The following NOP9 variants were observed in gnomAD, a reference collection of about 807,000 sequenced individuals.
NOP9 encodes nucleolar protein 9.
A neutral mutation model predicts 63.0 loss-of-function variants in NOP9; 50 were observed. The ratio of observed to expected loss-of-function variants is 0.79; its 90% CI spans 0.63 to 1.00. NOP9 has a LOEUF of 1.00. NOP9 is among the 50% of genes least tolerant of loss of function. The pLI, the probability that NOP9 is intolerant of heterozygous loss-of-function variation, is 0.00. For synonymous variants in NOP9, 343 were observed against 332.8 expected, an observed-to-expected ratio of 1.03 and a Z score of -0.33; for missense variants, 758 against 803.0, an observed-to-expected ratio of 0.94 and a Z score of 0.68.
At chr14:24,295,413 T>C (rs181174715), upstream of NOP9, among the ~76,000 whole-genome samples, 1 of 152,276 alleles carries the variant, frequency 6.6e-6, no homozygotes, top group Admixed American at 6.5e-5. Flanking sequence ...AGTAGAGTTA[T>C]AGTTTTAAAG....
the NOP9 span, among the ~76,000 whole-genome samples, chr14:24,285,153 AGTT>A: frequency 6.6e-6 from 1 of 152,292 alleles, no homozygotes; most frequent in East Asian, 1.9e-4. Context: ...ACCCTTGGGC[AGTT>A]GTTCTAGAAA....
the NOP9 span, among the ~76,000 whole-genome samples, chr14:24,282,622 AG>A: frequency 3.4e-4 from 51 of 152,234 alleles, no homozygotes; most frequent in African/African-American, 1.2e-3. Flanking sequence ...TCTAATGAGG[AG>A]GTAGCCAAGA....
chr14:24,285,320 T>C, the NOP9 span, among the ~76,000 whole-genome samples: 1 of 152,218 alleles, frequency 6.6e-6, no homozygotes. Flanking sequence ...TGTCACACTT[T>C]CCTCTTACCC....
At chr14:24,274,378 A>T in the NOP9 span, among the ~76,000 whole-genome samples, 1 of 152,176 alleles carries the variant, frequency 6.6e-6, no homozygotes, top group East Asian at 1.9e-4. Context: ...TTTTGGAAAG[A>T]GCGGGCAGGA....
At chr14:24,296,218 AGAG>A, upstream of NOP9, among the ~76,000 whole-genome samples, 1 of 152,328 alleles carries the variant, frequency 6.6e-6, no homozygotes, top group East Asian at 1.9e-4. Flanking sequence ...CGCATTACTG[AGAG>A]GAGGAGGCTT....
At chr14:24,302,445 G>C (rs760306788) in intron 5 of NOP9, 21 bp downstream of exon 5, 1 of 1,593,248 alleles carries the variant, frequency 6.3e-7, no homozygotes, top group African/African-American at 1.3e-5. Context: ...AACCTGAGCT[G>C]GATCTGTTTC....
rs745813319 is a variant in NOP9 at position 24,303,071 on chromosome 14, C to T, written c.1144-3C>T. On this transcript the variant is annotated splice_polypyrimidine_tract_variant and splice_region_variant and intron_variant, in intron 5 of 9. Coordinates refer to ENST00000267425, the MANE Select transcript of NOP9 (RefSeq NM_174913.3). ...CAGAGTTACATTCCATGTTTCCCAT[C>T]AGCTGTCCCCTGTGTTTGAGGAGCT... 5 of 1,519,012 alleles carry T rather than the reference C, an allele frequency of 3.3e-6. No homozygotes were observed. The South Asian group carries it at 6.5e-5, about 20-fold the overall frequency. The allele number at this position is 1,519,012 out of a possible 1,614,324, so 94.1% of individuals were successfully genotyped here.
chr14:24,283,749 A>C, the NOP9 span, among the ~76,000 whole-genome samples: 1 of 152,318 alleles, frequency 6.6e-6, no homozygotes. Context: ...CCTGTGCACA[A>C]ATCAGAATGG....
chr14:24,295,271 A>G (rs1193201642), upstream of NOP9, among the ~76,000 whole-genome samples: 2 of 152,252 alleles, frequency 1.3e-5, no homozygotes, highest in Non-Finnish European at 2.9e-5. Context: ...AAGGGATGGC[A>G]CTGAGGGGAA....
At chr14:24,285,849 C>T in the NOP9 span, among the ~76,000 whole-genome samples, 5 of 151,894 alleles carry the variant, frequency 3.3e-5, no homozygotes, top group African/African-American at 9.7e-5. Flanking sequence ...ATTAGCTGGG[C>T]GTGGTGGCAG....
chr14:24,284,689 G>A, the NOP9 span, among the ~76,000 whole-genome samples: 2 of 152,174 alleles, frequency 1.3e-5, no homozygotes, highest in East Asian at 1.9e-4. Context: ...ATGCTTCAGC[G>A]ACAGTGCCAA....
At chr14:24,288,425 C>A in the NOP9 span, among the ~76,000 whole-genome samples, 2 of 152,062 alleles carry the variant, frequency 1.3e-5, no homozygotes, top group African/African-American at 4.8e-5. Flanking sequence ...TCTCTGCTCA[C>A]TGCAACCTCT....
At chr14:24,290,695 G>T in the NOP9 span, 1 of 746,868 alleles carries the variant, frequency 1.3e-6, no homozygotes, top group Non-Finnish European at 2.2e-6. Flanking sequence ...GCACAAAGAA[G>T]GGACCTAGGC....
At chr14:24,299,684 T>G, upstream of NOP9, 2 of 408,446 alleles carry the variant, frequency 4.9e-6, no homozygotes, top group East Asian at 3.8e-5. Context: ...TGTTCAAGGA[T>G]TGATTCTGTA....
At position 24,303,157 on chromosome 14, in the gene NOP9, G is replaced by C. The variant is rs752901520; in HGVS notation, c.1227G>C (p.Val409=). ...QGHPGVVIAL[V]GACRRVGAYQ... is the part of the protein sequence containing the mutation. ...ACCCAGGGGTAGTCATTGCCCTGGT[G>C]GGGGCCTGTCGCAGAGTTGGGGCCT... The change falls in exon 6 of 10, where the codon GTG becomes GTC. Residue 409 remains valine (V), a synonymous_variant. Coordinates refer to ENST00000267425, the MANE Select transcript of NOP9 (RefSeq NM_174913.3). 4 of 1,613,780 alleles carry C rather than the reference G, an allele frequency of 2.5e-6. No homozygotes were observed. Among genetic ancestry groups the C allele is most frequent in the Non-Finnish European group, 3.4e-6 (4 of 1,179,932 alleles).
At chr14:24,289,488 T>C in the NOP9 span, among the ~76,000 whole-genome samples, 1 of 152,162 alleles carries the variant, frequency 6.6e-6, no homozygotes, top group Non-Finnish European at 1.5e-5. Flanking sequence ...CCATCTTCTT[T>C]TTATACCACA....
At position 24,304,166 on chromosome 14, in the gene NOP9, A is replaced by G; in HGVS notation, c.1536A>G (p.Pro512=). The part of the protein sequence containing the change: ...VLRSLGALTG[P]QLLSLAQSPA... ...GAAGTCTGGGTGCCTTGACGGGACC[A>G]CAGCTTCTGTCCCTTGCCCAAAGTC... Residue 512 remains proline, a synonymous_variant, in exon 8 of 10, where the codon CCA becomes CCG. Transcript: ENST00000267425. 2 of 1,614,230 alleles carry G rather than the reference A, an allele frequency of 1.2e-6. No individual in the cohort carries two copies. Among genetic ancestry groups the G allele is most frequent in the Non-Finnish European group, 1.7e-6 (2 of 1,180,044 alleles).
rs1288555807 is a variant in NOP9, at chr14:24,308,329, G to C, written c.*3234G>C. 31 of 223,004 alleles carry C rather than the reference G, an allele frequency of 1.4e-4. No homozygotes were observed. The allele number at this position is 223,004 out of a possible 1,614,324, so 13.8% of individuals were successfully genotyped here. On this transcript the variant is annotated 3_prime_UTR_variant, in exon 10 of 10. Coordinates refer to ENST00000267425, the MANE Select transcript of NOP9 (RefSeq NM_174913.3). ...CTTTAGGAAAAGGGAACCCGGGGCA[G>C]AGTGTGGGGAAGTGGGATGGCAGCA...
At chr14:24,303,037 C>T (rs375671972) in intron 5 of NOP9, 37 bp from the exon 6 acceptor site, 1 of 1,499,162 alleles carries the variant, frequency 6.7e-7, no homozygotes, top group South Asian at 1.4e-5. Flanking sequence ...TCCGCCATTA[C>T]CAGAATGCCA....
Sources: allele counts gnomAD v4.1 joint callset (sites outside exome capture counted in the v4.1 genomes callset), GRCh38; gene constraint gnomAD v4.1.1; transcripts MANE v1.5; gene names NCBI Gene and HGNC (gene_info 2026-07-23, HGNC 2026-07-21).